The following FOXN2 variants were observed in gnomAD, a reference collection of about 807,000 sequenced individuals.
FOXN2 encodes forkhead box protein N2.
A neutral mutation model predicts 41.2 loss-of-function variants in FOXN2; 19 were observed. That is an observed-to-expected ratio of 0.46 (90% CI 0.32 to 0.68). The LOEUF (loss-of-function observed/expected upper bound fraction) is 0.68, where lower values mean the gene tolerates loss of function less well. Among genes scored for constraint, FOXN2 ranks in the 30% least tolerant of loss-of-function variants. FOXN2 has a pLI of 0.03. For missense variants in FOXN2, 587 were observed against 509.4 expected (o/e 1.15, Z -1.47); for synonymous variants, 195 against 176.8 (o/e 1.10, Z -0.82).
intron 1 of FOXN2, among the ~76,000 whole-genome samples, chr2:48,323,184 A>G (rs1669448961): frequency 6.6e-6 from 1 of 151,942 alleles, no homozygotes; most frequent in Non-Finnish European, 1.5e-5. Flanking sequence ...TATAACTGAT[A>G]TATTTTTGAG....
In FOXN2 at chr2:48,377,472, C is replaced by T. The variant is rs1023396438; in HGVS notation, c.*2029C>T. Reference sequence around the variant, plus strand: ...AAATTCTGTATCACAAATGTGCTACCTGGTTTTTGTCCATTAGATAATTAC... The same window carrying T: ...AAATTCTGTATCACAAATGTGCTACTTGGTTTTTGTCCATTAGATAATTAC... On this transcript the variant is annotated 3_prime_UTR_variant, in exon 7 of 7. Transcript: ENST00000340553. 6.6e-6 allele frequency: 1 copy of T among 151,942 alleles called. No individual in the cohort carries two copies. Among genetic ancestry groups the T allele is most frequent in the Non-Finnish European group, 1.5e-5 (1 of 67,882 alleles). The allele number at this position is 151,942 out of a possible 1,614,324, so 9.4% of individuals were successfully genotyped here. A position where few individuals can be genotyped will look rare whatever the true frequency, so the allele number is the denominator to read the frequency against.
intron 2 of FOXN2, among the ~76,000 whole-genome samples, chr2:48,333,901 G>T (rs549693385): frequency 1.3e-5 from 2 of 152,256 alleles, no homozygotes; most frequent in East Asian, 1.9e-4. Flanking sequence ...GTGTGTGTGT[G>T]TGTGTATGTC....
intron 1 of FOXN2, among the ~76,000 whole-genome samples, chr2:48,316,196 CTG>C (rs1232413094): frequency 1.3e-5 from 2 of 152,184 alleles, no homozygotes; most frequent in Non-Finnish European, 2.9e-5. Context: ...AGACTTACCT[CTG>C]TTACCTTGCA....
intron 2 of FOXN2, among the ~76,000 whole-genome samples, chr2:48,342,658 G>T (rs1412362962): frequency 6.6e-6 from 1 of 152,086 alleles, no homozygotes; most frequent in Non-Finnish European, 1.5e-5. Flanking sequence ...CATTGTGGTG[G>T]ACTTGGTGTT....
intron 2 of FOXN2, among the ~76,000 whole-genome samples, chr2:48,337,887 A>T (rs942520704): frequency 6.6e-6 from 1 of 152,196 alleles, no homozygotes; most frequent in African/African-American, 2.4e-5. Flanking sequence ...ATAGCAGGAG[A>T]TTGTAATATA....
At chr2:48,337,701 G>A (rs901143406) in intron 2 of FOXN2, among the ~76,000 whole-genome samples, 2 of 152,138 alleles carry the variant, frequency 1.3e-5, no homozygotes, top group Non-Finnish European at 2.9e-5. Context: ...TGGAAAGAAA[G>A]CTAGTATATA....
intron 2 of FOXN2, among the ~76,000 whole-genome samples, chr2:48,345,753 T>C (rs191528981): frequency 1.6e-3 from 239 of 152,260 alleles, no homozygotes; most frequent in African/African-American, 5.5e-3. Flanking sequence ...TTTTAAAATA[T>C]TGCTTAAATA....
Position 48,374,958 on chromosome 2 carries a change from A to C in FOXN2, c.811A>C (p.Lys271Gln), listed in dbSNP as rs1347659394. ...TCCTCTTAAAACAGCATTGCAAAAA[A>C]AGAGGAGTTACGGCAATGCATTTCA... Reference protein sequence around the residue: ...PLPLKTALQKKRSYGNAFHHP... With the variant: ...PLPLKTALQKQRSYGNAFHHP... Residue 271 changes from lysine (K) to glutamine (Q), a missense_variant, in exon 7 of 7, where the codon AAG (lysine) becomes CAG (glutamine). By Grantham distance (53) the Lys-to-Gln change is moderately conservative. Coordinates refer to ENST00000340553, the MANE Select transcript of FOXN2 (RefSeq NM_002158.4). The C allele has an allele frequency of 6.2e-7, 1 of 1,613,130 alleles. No individual in the cohort carries two copies. The highest frequency in any genetic ancestry group is 2.2e-5 in the East Asian group (1 of 44,872).
intron 2 of FOXN2, among the ~76,000 whole-genome samples, chr2:48,329,041 A>G (rs1669864059): frequency 1.3e-5 from 2 of 152,108 alleles, no homozygotes; most frequent in Admixed American, 6.6e-5. Context: ...GCTTTTTGAA[A>G]TCCGTGTTTC....
At chr2:48,373,134 A>T (rs1287185277) in intron 5 of FOXN2, among the ~76,000 whole-genome samples, 158 bp from the exon 6 acceptor site, 1 of 152,180 alleles carries the variant, frequency 6.6e-6, no homozygotes, top group Non-Finnish European at 1.5e-5. Context: ...CAGACTTCAG[A>T]ATAATATATA....
At chr2:48,353,926 CATT>C (rs1671627211) in intron 3 of FOXN2, among the ~76,000 whole-genome samples, 1 of 151,852 alleles carries the variant, frequency 6.6e-6, no homozygotes, top group East Asian at 1.9e-4. Flanking sequence ...TTAACAGTGT[CATT>C]GTTTGCTATT....
chr2:48,350,079 G>A (rs1245207918), intron 3 of FOXN2, among the ~76,000 whole-genome samples: 1 of 152,212 alleles, frequency 6.6e-6, no homozygotes, highest in Non-Finnish European at 1.5e-5. Context: ...GAAGACAGAT[G>A]TACAGAATCT....
rs947446076 is a variant in FOXN2, at chr2:48,377,007, CTG to C, written c.*1566_*1567del. 1 of 151,982 alleles carries C rather than the reference CTG, an allele frequency of 6.6e-6. No homozygotes were observed. The highest frequency in any genetic ancestry group is 2.4e-5 in the African/African-American group (1 of 41,440). The allele number at this position is 151,982 out of a possible 1,614,324, so 9.4% of individuals were successfully genotyped here. On this transcript the variant is annotated 3_prime_UTR_variant, in exon 7 of 7. Coordinates refer to ENST00000340553, the MANE Select transcript of FOXN2 (RefSeq NM_002158.4). ...ACTTTTAATTTTTATTTTGGCAAAA[CTG>C]TCAAATGAGAAAAATGATTTTAAAA...
intron 2 of FOXN2, among the ~76,000 whole-genome samples, chr2:48,337,347 G>T (rs550894481): frequency 3.9e-4 from 58 of 150,364 alleles, no homozygotes; most frequent in Non-Finnish European, 7.7e-4. Flanking sequence ...GCTTAGGCTG[G>T]TGTGTAGTGG....
rs141854623 is a variant in FOXN2 at position 48,327,237 on chromosome 2, AAC to A, written c.-156-1322_-156-1321del. Reference sequence around the variant, plus strand: ...TTAATCTGTCTCCAAAAAGAAAAAAAACAGTCATTTTCTCTTCCAGTATTTAT... The same window carrying A: ...TTAATCTGTCTCCAAAAAGAAAAAAAAGTCATTTTCTCTTCCAGTATTTAT... On this transcript the variant is annotated intron_variant, in intron 1 of 6. Transcript: ENST00000340553. 5.7e-3 allele frequency among the ~76,000 whole-genome samples: 861 copies of A among 152,188 alleles called. 9 individuals are homozygous for A. Among genetic ancestry groups the A allele is most frequent in the African/African-American group, 0.02 (811 of 41,514 alleles).
intron 1 of FOXN2, among the ~76,000 whole-genome samples, chr2:48,315,913 C>A (rs1443757735): frequency 6.6e-6 from 1 of 152,194 alleles, no homozygotes; most frequent in Non-Finnish European, 1.5e-5. Flanking sequence ...AAAGAAATGA[C>A]CACAGACTTT....
Position 48,374,810 on chromosome 2 carries a change from A to C in FOXN2, c.773-110A>C, listed in dbSNP as rs903792327. On this transcript the variant is annotated intron_variant, in intron 6 of 6. Coordinates refer to ENST00000340553, the MANE Select transcript of FOXN2 (RefSeq NM_002158.4). Reference sequence around the variant, plus strand: ...AAAAAAAATAAAAAATCTACAAAGCATCATGAATCTAAAACATTTGTTGCT... The same window carrying C: ...AAAAAAAATAAAAAATCTACAAAGCCTCATGAATCTAAAACATTTGTTGCT... 7.9e-6 allele frequency: 7 copies of C among 885,724 alleles called. No homozygotes were observed. In the African/African-American group the frequency reaches 1.0e-4, roughly 13 times the overall value. 54.9% of individuals were successfully genotyped at this position (885,724 alleles called of 1,614,324 possible).
intron 2 of FOXN2, among the ~76,000 whole-genome samples, chr2:48,339,054 C>T (rs1670561217): frequency 6.6e-6 from 1 of 151,874 alleles, no homozygotes; most frequent in South Asian, 2.1e-4. Flanking sequence ...AGAATAAATC[C>T]AAATGGCATA....
chr2:48,364,260 C>A (rs752330471), intron 5 of FOXN2, among the ~76,000 whole-genome samples: 20 of 152,080 alleles, frequency 1.3e-4, no homozygotes, highest in Non-Finnish European at 2.4e-4. Flanking sequence ...CAGGTTCTCA[C>A]TCTGTCACCC....
Sources: allele counts gnomAD v4.1 joint callset (sites outside exome capture counted in the v4.1 genomes callset), GRCh38; gene constraint gnomAD v4.1.1; transcripts MANE v1.5; gene names NCBI Gene and HGNC (gene_info 2026-07-23, HGNC 2026-07-21).